ARID4A: variants seen among roughly 807,000 people sequenced by gnomAD.
ARID4A encodes AT-rich interactive domain-containing protein 4A.
In ARID4A, 39 loss-of-function variants were observed where a neutral mutation model predicts 148.6. The ratio of observed to expected loss-of-function variants is 0.26; its 90% CI spans 0.20 to 0.34. The LOEUF is 0.34. Among genes scored for constraint, ARID4A ranks in the 10% least tolerant of loss-of-function variants. ARID4A has a pLI of 1.00. For synonymous variants in ARID4A, 475 were observed against 481.2 expected (o/e 0.99, Z 0.17); for missense variants, 1,265 against 1,449.1 (o/e 0.87, Z 2.06).
rs372456002 is a variant in ARID4A, at chr14:58,358,409, T to G, written c.1854-723T>G. On this transcript the variant is annotated intron_variant, in intron 17 of 23. Coordinates refer to ENST00000355431, the MANE Select transcript of ARID4A (RefSeq NM_002892.4). ...TTGAACCCAGGAGGCAGAGGTTCCA[T>G]TGAGCCGAGATGGCACCACTGCATG... Among the ~76,000 whole-genome samples, 4 of 152,176 alleles carry G rather than the reference T, an allele frequency of 2.6e-5. 1 individual carries two copies.
At chr14:58,326,629 G>A (rs933165793) in intron 8 of ARID4A, among the ~76,000 whole-genome samples, 7 of 152,214 alleles carry the variant, frequency 4.6e-5, no homozygotes, top group Admixed American at 1.3e-4. Context: ...TTCCAAAAGA[G>A]TGTTGTTATT....
At chr14:58,328,588 A>T (rs1305509385) in intron 9 of ARID4A, among the ~76,000 whole-genome samples, 1 of 152,032 alleles carries the variant, frequency 6.6e-6, no homozygotes, top group Non-Finnish European at 1.5e-5. Flanking sequence ...TAATTGTAAA[A>T]TTCTATATTT....
intron 5 of ARID4A, among the ~76,000 whole-genome samples, chr14:58,313,717 T>A (rs2032210503): frequency 6.6e-6 from 1 of 152,206 alleles, no homozygotes; most frequent in South Asian, 2.1e-4. Context: ...TAATTCTTAG[T>A]CCCAGGCCAA....
intron 14 of ARID4A, among the ~76,000 whole-genome samples, 187 bp downstream of exon 14, chr14:58,347,304 T>A (rs1024885164): frequency 1.3e-5 from 2 of 152,220 alleles, no homozygotes; most frequent in African/African-American, 4.8e-5. Flanking sequence ...ACTCCATTTC[T>A]TATGTTGTCC....
Position 58,366,102 on chromosome 14 carries a change from C to G in ARID4A, c.3395C>G (p.Ser1132Cys). 1.2e-6 allele frequency: 2 copies of G among 1,613,792 alleles called. No homozygotes were observed. ...ACCCCAGTAAAGCATCTTAATGTAT[C>G]TAAGCCACAGAAACTTGCACGATCT... ...KCTPVKHLNV[S>C]KPQKLARSPA... is the part of the protein sequence containing the mutation. The change falls in exon 22 of 24, where the codon TCT (serine) becomes TGT (cysteine). Residue 1132 changes from serine (S) to cysteine (C), a missense_variant. Ser to Cys is a moderately radical substitution (Grantham distance 112, BLOSUM62 -1). This residue lies in a region of ARID4A where 666 missense variants were observed against 730.9 expected (regional missense o/e 0.91). Coordinates refer to ENST00000355431, the MANE Select transcript of ARID4A (RefSeq NM_002892.4).
intron 3 of ARID4A, chr14:58,303,585 A>G (rs2031367447): frequency 8.5e-6 from 4 of 470,576 alleles, no homozygotes; most frequent in Non-Finnish European, 1.8e-5. Context: ...TCTATGCCCA[A>G]CACATAGAGT....
Position 58,328,284 on chromosome 14 carries a change from G to A in ARID4A, c.630G>A (p.Gln210=). ...ATGACATCACAGTGAAAAAGGATCA[G>A]TGTTTAGTTCGATCATTTATTGATT... ...CNDDITVKKD[Q]CLVRSFIDSK... is the part of the protein sequence containing the mutation. Residue 210 remains glutamine (Q), a synonymous_variant, in exon 9 of 24, where the codon CAG becomes CAA. Coordinates refer to ENST00000355431, the MANE Select transcript of ARID4A (RefSeq NM_002892.4). 1.2e-6 allele frequency: 2 copies of A among 1,605,058 alleles called. No homozygotes were observed. The highest frequency in any genetic ancestry group is 1.7e-6 in the Non-Finnish European group (2 of 1,172,480).
chr14:58,310,685 A>G (rs992161264), intron 5 of ARID4A, among the ~76,000 whole-genome samples: 2 of 152,040 alleles, frequency 1.3e-5, no homozygotes, highest in African/African-American at 4.8e-5. Flanking sequence ...ACATAGGGGA[A>G]GAGGCTTTAT....
At chr14:58,332,712 T>C (rs933148767) in intron 11 of ARID4A, among the ~76,000 whole-genome samples, 1 of 152,202 alleles carries the variant, frequency 6.6e-6, no homozygotes, top group East Asian at 1.9e-4. Context: ...TTTATCACCA[T>C]GTAGGTGAGG....
At chr14:58,299,645 G>C in intron 1 of ARID4A, 153 bp from the exon 2 acceptor site, 1 of 636,456 alleles carries the variant, frequency 1.6e-6, no homozygotes, top group Non-Finnish European at 2.7e-6. Context: ...TGCCCCCTCA[G>C]CTCCTGCGTC....
intron 23 of ARID4A, among the ~76,000 whole-genome samples, chr14:58,369,722 A>G (rs2035522987): frequency 6.6e-6 from 1 of 152,140 alleles, no homozygotes; most frequent in Non-Finnish European, 1.5e-5. Flanking sequence ...CCGATTTCTC[A>G]ATGGTAGTAC....
intron 11 of ARID4A, among the ~76,000 whole-genome samples, chr14:58,339,463 C>T (rs2034000329): frequency 6.6e-6 from 1 of 152,112 alleles, no homozygotes. Context: ...CTATCCCAAG[C>T]CACCAATTAG....
chr14:58,349,146 G>A lies in ARID4A; in HGVS notation c.1404+1268G>A, dbSNP rs74710116. 1.2e-3 allele frequency among the ~76,000 whole-genome samples: 178 copies of A among 152,194 alleles called. 5 individuals are homozygous for A. The East Asian group carries it at 0.024, about 20-fold the overall frequency. On this transcript the variant is annotated intron_variant, in intron 15 of 23. Coordinates refer to ENST00000355431, the MANE Select transcript of ARID4A (RefSeq NM_002892.4). ...TACTGGCTTATTCACTCACCATAAT[G>A]TCTGTAAGACATTATGTTGTAGCAC...
intron 17 of ARID4A, among the ~76,000 whole-genome samples, chr14:58,356,941 C>T (rs991764936): frequency 4.6e-5 from 7 of 151,992 alleles, no homozygotes; most frequent in African/African-American, 1.7e-4. Flanking sequence ...ACCTTGTGAT[C>T]GCCCGCCTCG....
At chr14:58,335,162 A>C (rs972675239) in intron 11 of ARID4A, among the ~76,000 whole-genome samples, 9 of 152,122 alleles carry the variant, frequency 5.9e-5, no homozygotes, top group Admixed American at 2.6e-4. Context: ...TGACATACCT[A>C]ACTTCTTAGA....
intron 11 of ARID4A, among the ~76,000 whole-genome samples, chr14:58,335,363 G>A (rs994677945): frequency 1.3e-5 from 2 of 150,518 alleles, no homozygotes; most frequent in African/African-American, 4.9e-5. Flanking sequence ...TGCCAGGCTG[G>A]AGTGCAATGG....
rs1421895435 is a variant in ARID4A at position 58,365,257 on chromosome 14, T to C, written c.3168T>C (p.Gly1056=). The C allele has an allele frequency of 1.9e-6, 3 of 1,613,876 alleles. No homozygotes were observed. Among genetic ancestry groups the C allele is most frequent in the African/African-American group, 2.7e-5 (2 of 74,916 alleles). Residue 1056 remains glycine, a synonymous_variant, in exon 20 of 24, where the codon GGT becomes GGC. Transcript: ENST00000355431. ...ANGFETNVAS[G]TCSIIVQERE... is the part of the protein sequence containing the mutation. ...GATTTGAAACTAATGTTGCCTCTGG[T>C]ACCTGTAGTATAATTGTACAAGAGA...
intron 3 of ARID4A, among the ~76,000 whole-genome samples, chr14:58,302,550 C>T (rs960583851): frequency 3.9e-5 from 6 of 151,906 alleles, no homozygotes; most frequent in Admixed American, 3.3e-4. Flanking sequence ...CCCAGCTACT[C>T]GGGAGGCTGA....
At chr14:58,350,934 A>C in intron 15 of ARID4A, 139 bp from the exon 16 acceptor site, 3 of 665,188 alleles carry the variant, frequency 4.5e-6, no homozygotes, top group Non-Finnish European at 7.0e-6. Flanking sequence ...AAGGAAGAGA[A>C]AGGTACCTTT....
Sources: allele counts gnomAD v4.1 joint callset (sites outside exome capture counted in the v4.1 genomes callset), GRCh38; gene constraint gnomAD v4.1.1; regional missense constraint gnomAD v4.1.1; transcripts MANE v1.5; gene names NCBI Gene and HGNC (gene_info 2026-07-23, HGNC 2026-07-21).